RAB2A: variants seen among roughly 807,000 people sequenced by gnomAD.
RAB2A encodes the protein ras-related protein Rab-2A.
A neutral mutation model predicts 32.5 loss-of-function variants in RAB2A; 7 were observed. That is an observed-to-expected ratio of 0.22 (90% CI 0.12 to 0.40). The LOEUF (loss-of-function observed/expected upper bound fraction) is 0.40, where lower values mean the gene tolerates loss of function less well. Among genes scored for constraint, RAB2A ranks in the 10% least tolerant of loss-of-function variants. The pLI is 1.00. For synonymous variants in RAB2A, 79 were observed against 85.2 expected (o/e 0.93, Z 0.40); for missense variants, 108 against 260.7 (o/e 0.41, Z 4.03).
chr8:60,579,990 A>G (rs1015905662), intron 3 of RAB2A, among the ~76,000 whole-genome samples: 7 of 137,830 alleles, frequency 5.1e-5, no homozygotes, highest in African/African-American at 1.9e-4. Context: ...ATAGGTATAT[A>G]TTAAAGCACC....
chr8:60,609,984 A>G (rs1430189173), intron 6 of RAB2A, among the ~76,000 whole-genome samples: 3 of 130,738 alleles, frequency 2.3e-5, no homozygotes, highest in African/African-American at 9.7e-5. Context: ...AAAAAAAAAA[A>G]TCCAGACAAG....
At chr8:60,576,394 C>T (rs1803630939) in intron 3 of RAB2A, 1 of 411,792 alleles carries the variant, frequency 2.4e-6, no homozygotes, top group Admixed American at 2.8e-5. Flanking sequence ...ATTCCTCTTT[C>T]AGTTGCCTTC....
intron 1 of RAB2A, among the ~76,000 whole-genome samples, chr8:60,556,503 T>A (rs1309957931): frequency 4.6e-5 from 7 of 151,642 alleles, no homozygotes; most frequent in Admixed American, 6.6e-5. Context: ...TAAAAAAAAA[T>A]TTTAAGAACA....
intron 1 of RAB2A, among the ~76,000 whole-genome samples, chr8:60,547,086 G>T (rs1807740958): frequency 6.6e-6 from 1 of 150,930 alleles, no homozygotes; most frequent in Admixed American, 6.6e-5. Context: ...AGATTAGGGA[G>T]TGGTGATGAC....
intron 3 of RAB2A, among the ~76,000 whole-genome samples, chr8:60,577,528 T>A (rs1803658557): frequency 6.6e-6 from 1 of 152,242 alleles, no homozygotes; most frequent in Non-Finnish European, 1.5e-5. Context: ...CTTTGATTCT[T>A]ACTGATCTTA....
At chr8:60,584,996 T>G (rs1803825220) in intron 5 of RAB2A, among the ~76,000 whole-genome samples, 181 bp downstream of exon 5, 1 of 152,188 alleles carries the variant, frequency 6.6e-6, no homozygotes, top group Non-Finnish European at 1.5e-5. Context: ...TGTTGGAAAT[T>G]ATTACTGTTA....
At chr8:60,605,416 C>T (rs1804211227) in intron 6 of RAB2A, among the ~76,000 whole-genome samples, 1 of 152,334 alleles carries the variant, frequency 6.6e-6, no homozygotes, top group Admixed American at 6.5e-5. Context: ...GGGGCACCAC[C>T]TAGTGCAGCT....
intron 6 of RAB2A, among the ~76,000 whole-genome samples, chr8:60,607,901 A>G (rs1173670891): frequency 3.3e-5 from 5 of 152,210 alleles, no homozygotes; most frequent in Admixed American, 6.5e-5. Context: ...GGCTCCCAGC[A>G]TGTAATTAAG....
intron 5 of RAB2A, among the ~76,000 whole-genome samples, chr8:60,588,424 G>C (rs767023286): frequency 6.6e-6 from 1 of 152,052 alleles, no homozygotes; most frequent in Non-Finnish European, 1.5e-5. Flanking sequence ...CCCCAAACTG[G>C]AAACAACCCA....
intron 1 of RAB2A, among the ~76,000 whole-genome samples, chr8:60,551,033 A>C (rs1807838565): frequency 6.6e-6 from 1 of 151,358 alleles, no homozygotes; most frequent in Admixed American, 6.6e-5. Context: ...CTATTTCCTC[A>C]CCTCCTTTAA....
chr8:60,518,112 A>G (rs1807238592), intron 1 of RAB2A, among the ~76,000 whole-genome samples: 1 of 152,220 alleles, frequency 6.6e-6, no homozygotes, highest in African/African-American at 2.4e-5. Context: ...ATTCTCACTT[A>G]AAATGACGTC....
chr8:60,585,967 G>A (rs1803838973), intron 5 of RAB2A, among the ~76,000 whole-genome samples: 1 of 152,184 alleles, frequency 6.6e-6, no homozygotes, highest in African/African-American at 2.4e-5. Context: ...GAAAATGTGT[G>A]AGATGCAGTT....
At chr8:60,580,505 A>G (rs1282687409) in intron 3 of RAB2A, among the ~76,000 whole-genome samples, 4 of 152,166 alleles carry the variant, frequency 2.6e-5, no homozygotes, top group South Asian at 2.1e-4. Context: ...TAGTTTTCAG[A>G]TAAGTAAGGT....
chr8:60,591,266 C>T (rs1045042827), intron 5 of RAB2A, among the ~76,000 whole-genome samples: 2 of 151,728 alleles, frequency 1.3e-5, no homozygotes, highest in African/African-American at 4.8e-5. Flanking sequence ...TACACTTTCT[C>T]TCTCACTCCG....
At chr8:60,588,668 T>C (rs1175756440) in intron 5 of RAB2A, among the ~76,000 whole-genome samples, 2 of 152,168 alleles carry the variant, frequency 1.3e-5, no homozygotes, top group Non-Finnish European at 2.9e-5. Flanking sequence ...CTGCCTAGGG[T>C]GCAGGGGCAA....
chr8:60,531,976 T>C (rs1807483894), intron 1 of RAB2A, among the ~76,000 whole-genome samples: 1 of 152,108 alleles, frequency 6.6e-6, no homozygotes. Flanking sequence ...CTAATTTTTT[T>C]GTATTTTTAG....
chr8:60,554,382 G>T (rs1807902888), intron 1 of RAB2A, among the ~76,000 whole-genome samples: 1 of 152,198 alleles, frequency 6.6e-6, no homozygotes, highest in Admixed American at 6.5e-5. Context: ...TTTCTTTTAA[G>T]TATGATCTAT....
At chr8:60,603,946 T>C (rs1057033259) in intron 6 of RAB2A, among the ~76,000 whole-genome samples, 1 of 152,128 alleles carries the variant, frequency 6.6e-6, no homozygotes, top group Non-Finnish European at 1.5e-5. Context: ...GACAGACAGA[T>C]AGGGTTTGGA....
Position 60,554,842 on chromosome 8 carries a change from G to T in RAB2A, c.47-4010G>T, listed in dbSNP as rs186913733. Among the ~76,000 whole-genome samples, 347 of 151,786 alleles carry T rather than the reference G, an allele frequency of 2.3e-3. 3 individuals carry two copies. Among genetic ancestry groups the T allele is most frequent in the African/African-American group, 8.2e-3 (338 of 41,282 alleles). On this transcript the variant is annotated intron_variant, in intron 1 of 7. Coordinates refer to ENST00000262646, the MANE Select transcript of RAB2A (RefSeq NM_002865.3). Reference sequence around the variant, plus strand: ...CACTCCAGCCTGGGCGACAGAGCGAGACTCCGTCTCAAAAAAAAAAAGAAA... The same window carrying T: ...CACTCCAGCCTGGGCGACAGAGCGATACTCCGTCTCAAAAAAAAAAAGAAA...
Sources: gnomAD v4.1 joint callset for allele counts (sites outside exome capture counted in the v4.1 genomes callset) on GRCh38, gnomAD v4.1.1 for gene constraint, MANE v1.5 for transcripts, NCBI Gene and HGNC (gene_info 2026-07-23, HGNC 2026-07-21) for gene names.